Variants in IGF2BP3 observed in about 807,000 individuals in gnomAD.
IGF2BP3 encodes insulin-like growth factor 2 mRNA-binding protein 3.
Under a neutral mutation model 73.8 loss-of-function variants are expected in IGF2BP3, and 9 were observed. That is an observed-to-expected ratio of 0.12 (90% CI 0.07 to 0.21). The LOEUF is 0.21. Among genes scored for constraint, IGF2BP3 ranks in the 10% least tolerant of loss-of-function variants. IGF2BP3 has a pLI of 1.00. For missense variants in IGF2BP3, 542 were observed against 714.0 expected (o/e 0.76, Z 2.75); for synonymous variants, 258 against 256.7 (o/e 1.01, Z -0.05).
chr7:23,348,113 G>C, intron 6 of IGF2BP3, among the ~76,000 whole-genome samples: 1 of 152,190 alleles, frequency 6.6e-6, no homozygotes, highest in East Asian at 1.9e-4. Context: ...AATCCCATAA[G>C]CCAAGTTGAA....
chr7:23,430,839 C>T (rs558204917), intron 2 of IGF2BP3, among the ~76,000 whole-genome samples: 18 of 152,168 alleles, frequency 1.2e-4, no homozygotes, highest in African/African-American at 3.4e-4. Context: ...AGTTGTAACA[C>T]GCTCAAAGGC....
chr7:23,469,849 C>G lies in IGF2BP3; in HGVS notation c.175+87G>C. ...ACCCCCGCTCCCCCAGCGCGCCGGG[C>G]CTGGGGCCCGCGGAGCCACCCGGTG... On this transcript the variant is annotated intron_variant, in intron 1 of 14. Coordinates refer to ENST00000258729, the MANE Select transcript of IGF2BP3 (RefSeq NM_006547.3). This position sits in a 1 kb window ranked among gnomAD's most constrained non-coding sequence, Gnocchi z 6.1. 1 of 937,368 alleles carries G rather than the reference C, an allele frequency of 1.1e-6. No individual in the cohort carries two copies. Among genetic ancestry groups the G allele is most frequent in the Non-Finnish European group, 1.4e-6 (1 of 715,808 alleles). 58.1% of individuals were successfully genotyped at this position (937,368 alleles called of 1,614,324 possible). A position where few individuals can be genotyped will look rare whatever the true frequency, so the allele number is the denominator to read the frequency against.
rs571072345 is a variant in IGF2BP3 at position 23,398,947 on chromosome 7, C to A, written c.285+19829G>T. ...CATTTGTCAATTTTGGCTTTGGTTG[C>A]CATTGCTTTTGGTGTTTTAGACATG... On this transcript the variant is annotated intron_variant, in intron 3 of 14. Coordinates refer to ENST00000258729, the MANE Select transcript of IGF2BP3 (RefSeq NM_006547.3). 3.0e-3 allele frequency among the ~76,000 whole-genome samples: 459 copies of A among 152,260 alleles called. 4 individuals carry two copies. Among genetic ancestry groups the A allele is most frequent in the African/African-American group, 0.01 (436 of 41,528 alleles).
At chr7:23,407,181 TAAAAA>T (rs77237856) in intron 3 of IGF2BP3, among the ~76,000 whole-genome samples, 1 of 121,176 alleles carries the variant, frequency 8.3e-6, no homozygotes, top group Non-Finnish European at 1.8e-5. Flanking sequence ...ATGTAGTTAT[TAAAAA>T]AAAAAAAAAA....
intron 2 of IGF2BP3, among the ~76,000 whole-genome samples, chr7:23,451,221 C>T (rs374517894): frequency 1.3e-5 from 2 of 152,172 alleles, no homozygotes; most frequent in Admixed American, 1.3e-4. Flanking sequence ...GGTTTGAGAA[C>T]AGCCTGGCCA....
At chr7:23,421,354 T>C (rs1787339468) in intron 2 of IGF2BP3, among the ~76,000 whole-genome samples, 1 of 111,054 alleles carries the variant, frequency 9.0e-6, no homozygotes, top group African/African-American at 2.8e-5. Context: ...AATAAAAAGA[T>C]TTATAATTCA....
At chr7:23,435,292 C>CAAAAA (rs35846648) in intron 2 of IGF2BP3, among the ~76,000 whole-genome samples, 10 of 47,942 alleles carry the variant, frequency 2.1e-4, no homozygotes, top group African/African-American at 4.5e-4. Flanking sequence ...GACTCTGTCT[C>CAAAAA]AAAAAAAAAA....
At chr7:23,362,221 G>C (rs962281196) in intron 3 of IGF2BP3, among the ~76,000 whole-genome samples, 1 of 149,890 alleles carries the variant, frequency 6.7e-6, no homozygotes. Flanking sequence ...AGACCAGCCT[G>C]GTCAACATAG....
chr7:23,407,181 TA>T (rs77237856), intron 3 of IGF2BP3, among the ~76,000 whole-genome samples: 603 of 121,076 alleles, frequency 5.0e-3, no homozygotes, highest in East Asian at 0.012. Flanking sequence ...ATGTAGTTAT[TA>T]AAAAAAAAAA....
At chr7:23,455,783 T>C (rs993034456) in intron 2 of IGF2BP3, among the ~76,000 whole-genome samples, 2 of 152,156 alleles carry the variant, frequency 1.3e-5, no homozygotes, top group African/African-American at 4.8e-5. Context: ...CCTCCCGGAT[T>C]CGAGCCACTC....
intron 2 of IGF2BP3, among the ~76,000 whole-genome samples, chr7:23,427,517 G>A (rs1647601944): frequency 6.6e-6 from 1 of 152,082 alleles, no homozygotes; most frequent in African/African-American, 2.4e-5. Context: ...AGACCAAGGT[G>A]GAAGGATCGC....
rs555047356 is a variant in IGF2BP3, at chr7:23,404,536, C to T, written c.285+14240G>A. 7.9e-5 allele frequency among the ~76,000 whole-genome samples: 12 copies of T among 152,232 alleles called. No individual in the cohort carries two copies. The South Asian group carries it at 2.3e-3, about 29-fold the overall frequency. On this transcript the variant is annotated intron_variant, in intron 3 of 14. Transcript: ENST00000258729. ...CATCATACACCCTCAATTCAACCAACACTTAACTTACTGAGCACCACCTTT... is the reference window on the plus strand; with the variant it reads ...CATCATACACCCTCAATTCAACCAATACTTAACTTACTGAGCACCACCTTT...
At chr7:23,458,946 G>A (rs1488494549) in intron 2 of IGF2BP3, among the ~76,000 whole-genome samples, 1 of 152,192 alleles carries the variant, frequency 6.6e-6, no homozygotes, top group African/African-American at 2.4e-5. Flanking sequence ...TGGGAGGGAT[G>A]AAGTCAGGCA....
At chr7:23,368,672 C>T (rs1471953888) in intron 3 of IGF2BP3, among the ~76,000 whole-genome samples, 1 of 152,096 alleles carries the variant, frequency 6.6e-6, no homozygotes, top group African/African-American at 2.4e-5. Flanking sequence ...CCAAAGCGGG[C>T]GGATCACCTG....
chr7:23,361,526 C>T lies in IGF2BP3; in HGVS notation c.401+8G>A, dbSNP rs756731969. 2.5e-6 allele frequency: 4 copies of T among 1,608,516 alleles called. No individual in the cohort carries two copies. The highest frequency in any genetic ancestry group is 1.1e-5 in the South Asian group (1 of 90,838). ...TTATATATAGATTAAAAGCTTCAAG[C>T]TGCTTACTGTCTAGCTTGGTCCTTA... On this transcript the variant is annotated splice_region_variant and intron_variant, in intron 5 of 14. Coordinates refer to ENST00000258729, the MANE Select transcript of IGF2BP3 (RefSeq NM_006547.3).
At chr7:23,415,669 G>A (rs1225319702) in intron 3 of IGF2BP3, 8 of 164,968 alleles carry the variant, frequency 4.8e-5, no homozygotes, top group Non-Finnish European at 6.6e-5. Flanking sequence ...CATCCCAGGC[G>A]CCAGCCATAG....
chr7:23,372,410 T>C (rs548105422), intron 3 of IGF2BP3, among the ~76,000 whole-genome samples: 4 of 152,126 alleles, frequency 2.6e-5, no homozygotes, highest in Non-Finnish European at 4.4e-5. Flanking sequence ...TTCTGAGATT[T>C]TGGTGCACCC....
chr7:23,406,453 G>A (rs899880856), intron 3 of IGF2BP3, among the ~76,000 whole-genome samples: 10 of 152,306 alleles, frequency 6.6e-5, no homozygotes, highest in African/African-American at 2.2e-4. Flanking sequence ...TAAAGATGGT[G>A]TGTCTGGAGT....
chr7:23,312,493 G>C (rs776129436), intron 14 of IGF2BP3, 33 bp from the exon 15 acceptor site: 1 of 1,435,820 alleles, frequency 7.0e-7, no homozygotes, highest in Non-Finnish European at 9.8e-7. Flanking sequence ...AATTCCACTT[G>C]ATCAAAAGCT....
Sources: gnomAD v4.1 joint callset for allele counts (sites outside exome capture counted in the v4.1 genomes callset) on GRCh38, gnomAD v4.1.1 for gene constraint, Gnocchi (gnomAD v3.1) non-coding constraint, MANE v1.5 for transcripts, NCBI Gene and HGNC (gene_info 2026-07-23, HGNC 2026-07-21) for gene names.